Variants in HPCAL4 observed in about 807,000 individuals in gnomAD.
HPCAL4 encodes the protein hippocalcin like 4.
Under a neutral mutation model 18.2 loss-of-function variants are expected in HPCAL4, and 16 were observed. The ratio of observed to expected loss-of-function variants is 0.88; its 90% CI spans 0.59 to 1.33. The LOEUF (loss-of-function observed/expected upper bound fraction) is 1.33, where lower values mean the gene tolerates loss of function less well. HPCAL4 is among the 40% of genes most tolerant of loss of function. The pLI is 0.00. For synonymous variants in HPCAL4, 80 were observed against 97.5 expected (o/e 0.82, Z 1.06); for missense variants, 214 against 256.6 (o/e 0.83, Z 1.14).
intron 3 of HPCAL4, 39 bp downstream of exon 3, chr1:39,683,898 G>A (rs1455083087): frequency 2.5e-6 from 4 of 1,573,156 alleles, no homozygotes; most frequent in Non-Finnish European, 3.5e-6. Context: ...ATGGCGAAGC[G>A]CTGGCCTCGG....
In HPCAL4 at chr1:39,682,486, G is replaced by A; in HGVS notation, c.*50C>T. ...GGCCAGCCAGAGAGGTCATCAGGTT[G>A]GGAGGTGGCCATGCCCCTTCTGGCC... On this transcript the variant is annotated 3_prime_UTR_variant, in exon 4 of 4. Transcript: ENST00000372844. 6.3e-7 allele frequency: 1 copy of A among 1,579,024 alleles called. No homozygotes were observed. The highest frequency in any genetic ancestry group is 8.7e-7 in the Non-Finnish European group (1 of 1,149,874).
At chr1:39,683,906 C>T (rs1038077910) in intron 3 of HPCAL4, 31 bp downstream of exon 3, 7 of 1,593,420 alleles carry the variant, frequency 4.4e-6, no homozygotes, top group Non-Finnish European at 6.0e-6. Flanking sequence ...GCGCTGGCCT[C>T]GGGAACAGCA....
At position 39,682,457 on chromosome 1, in the gene HPCAL4, G is replaced by T; in HGVS notation, c.*79C>A. 7.1e-7 allele frequency: 1 copy of T among 1,417,282 alleles called. No homozygotes were observed. The highest frequency in any genetic ancestry group is 1.2e-5 in the South Asian group (1 of 83,976). 87.8% of individuals were successfully genotyped at this position (1,417,282 alleles called of 1,614,324 possible). On this transcript the variant is annotated 3_prime_UTR_variant, in exon 4 of 4. Transcript: ENST00000372844. ...GGGGGGCTGGAGTGTCCCTCCTCCT[G>T]GGAGGCCAGCCAGAGAGGTCATCAG...
In HPCAL4 at chr1:39,689,857, A is replaced by AT. The variant is rs2307905; in HGVS notation, c.-9+1448dup. Among the ~76,000 whole-genome samples the AT allele has an allele frequency of 2.6e-5, 4 of 151,808 alleles. No individual in the cohort carries two copies. The South Asian group carries it at 6.2e-4, about 24-fold the overall frequency. ...GTGACAATAGCTCCCTGGTCAGGAG[A>AT]TTTTTTCTCTCTTTCCTCTCCTCCC... On this transcript the variant is annotated intron_variant, in intron 1 of 3. Coordinates refer to ENST00000372844, the MANE Select transcript of HPCAL4 (RefSeq NM_016257.4).
chr1:39,687,038 C>G (rs1379328935), intron 1 of HPCAL4, among the ~76,000 whole-genome samples: 4 of 152,234 alleles, frequency 2.6e-5, no homozygotes, highest in Non-Finnish European at 4.4e-5. Context: ...CCTTCCCACT[C>G]CCCTTTGCTG....
chr1:39,685,098 C>G (rs61779760), intron 1 of HPCAL4, among the ~76,000 whole-genome samples: 9,627 of 152,360 alleles, frequency 0.063, 412 homozygotes, highest in East Asian at 0.11. Context: ...TCCCTCTTTC[C>G]TCTATACAAA....
chr1:39,683,853 C>A, intron 3 of HPCAL4, 84 bp downstream of exon 3: 3 of 1,281,256 alleles, frequency 2.3e-6, no homozygotes, highest in South Asian at 1.2e-5. Flanking sequence ...AGGGAGGCCC[C>A]GAAGCCCGAG....
At chr1:39,689,525 C>T (rs1646702024) in intron 1 of HPCAL4, among the ~76,000 whole-genome samples, 1 of 152,328 alleles carries the variant, frequency 6.6e-6, no homozygotes, top group Admixed American at 6.5e-5. Context: ...AACTATAGCC[C>T]ATCAGCAGCA....
intron 3 of HPCAL4, among the ~76,000 whole-genome samples, chr1:39,682,941 T>C (rs555873726): frequency 6.6e-6 from 1 of 152,176 alleles, no homozygotes; most frequent in Non-Finnish European, 1.5e-5. Context: ...TGGAGTGCAA[T>C]GGCGCGATCT....
chr1:39,683,285 G>A (rs1444718202), intron 3 of HPCAL4, among the ~76,000 whole-genome samples: 2 of 152,126 alleles, frequency 1.3e-5, no homozygotes, highest in Admixed American at 6.5e-5. Context: ...CTGGCTCCCC[G>A]TATGACCACC....
intron 3 of HPCAL4, 35 bp downstream of exon 3, chr1:39,683,902 G>A: frequency 6.3e-7 from 1 of 1,579,820 alleles, no homozygotes; most frequent in Non-Finnish European, 8.7e-7. Flanking sequence ...CGAAGCGCTG[G>A]CCTCGGGAAC....
chr1:39,682,436 G>A lies in HPCAL4; in HGVS notation c.*100C>T, dbSNP rs1238336071. 18 of 1,108,852 alleles carry A rather than the reference G, an allele frequency of 1.6e-5. No individual in the cohort carries two copies. The highest frequency in any genetic ancestry group is 1.9e-5 in the Non-Finnish European group (14 of 748,560). The allele number at this position is 1,108,852 out of a possible 1,614,324, so 68.7% of individuals were successfully genotyped here. A position where few individuals can be genotyped will look rare whatever the true frequency, so the allele number is the denominator to read the frequency against. On this transcript the variant is annotated 3_prime_UTR_variant, in exon 4 of 4. Transcript: ENST00000372844. ...GAGGACTGGGTGGGCCAGAGAGGGGGGCTGGAGTGTCCCTCCTCCTGGGAG... is the reference window on the plus strand; with the variant it reads ...GAGGACTGGGTGGGCCAGAGAGGGGAGCTGGAGTGTCCCTCCTCCTGGGAG...
At chr1:39,689,113 C>T (rs1646699101) in intron 1 of HPCAL4, among the ~76,000 whole-genome samples, 1 of 152,222 alleles carries the variant, frequency 6.6e-6, no homozygotes, top group South Asian at 2.1e-4. Context: ...CCCCAGTCCA[C>T]TTTTGAGCAG....
rs1440423114 is a variant in HPCAL4 at position 39,684,280 on chromosome 1, C to G, written c.163-128G>C. The G allele has an allele frequency of 3.8e-6, 4 of 1,062,458 alleles. No homozygotes were observed. The South Asian group carries it at 4.8e-5, about 13-fold the overall frequency. 65.8% of individuals were successfully genotyped at this position (1,062,458 alleles called of 1,614,324 possible). ...CCCGGGTGCCTTGCCCCCGCCACCC[C>G]GGGTGCCTCACCTCCCCCGCACCCC... is the stretch of plus-strand genomic sequence containing the variant. On this transcript the variant is annotated intron_variant, in intron 2 of 3. Coordinates refer to ENST00000372844, the MANE Select transcript of HPCAL4 (RefSeq NM_016257.4).
Position 39,681,310 on chromosome 1 carries a change from C to G in HPCAL4, c.*1226G>C, listed in dbSNP as rs1646625029. On this transcript the variant is annotated 3_prime_UTR_variant, in exon 4 of 4. Transcript: ENST00000372844. ...ACAGTGGCCAGGTGAGCCTTTTCTT[C>G]TAGCTCTTTCTGATTCTGTGGCAGT... The G allele has an allele frequency of 6.6e-6, 1 of 152,200 alleles. No homozygotes were observed. Among genetic ancestry groups the G allele is most frequent in the African/African-American group, 2.4e-5 (1 of 41,454 alleles). The allele number at this position is 152,200 out of a possible 1,614,324, so 9.4% of individuals were successfully genotyped here.
intron 1 of HPCAL4, among the ~76,000 whole-genome samples, chr1:39,686,401 T>A (rs1646675722): frequency 1.3e-5 from 2 of 151,918 alleles, no homozygotes; most frequent in African/African-American, 4.8e-5. Context: ...CAAGATGACC[T>A]TTGGTGGGGG....
intron 2 of HPCAL4, 78 bp downstream of exon 2, chr1:39,684,364 C>T (rs1646656160): frequency 8.3e-7 from 1 of 1,210,600 alleles, no homozygotes; most frequent in Non-Finnish European, 1.0e-6. Flanking sequence ...CCAGGGTGCC[C>T]TGCCTCCCTC....
chr1:39,684,158 G>C lies in HPCAL4; in HGVS notation c.163-6C>G, dbSNP rs1223626886. ...GCGTCGCCGTAGGGGAAGAACTGAGGGGGGTGCGGTGGGTTGGGGCGCAGC... is the reference window on the plus strand; with the variant it reads ...GCGTCGCCGTAGGGGAAGAACTGAGCGGGGTGCGGTGGGTTGGGGCGCAGC... On this transcript the variant is annotated splice_region_variant and splice_polypyrimidine_tract_variant and intron_variant, in intron 2 of 3. Transcript: ENST00000372844. The C allele has an allele frequency of 2.5e-6, 4 of 1,610,860 alleles. No homozygotes were observed. The highest frequency in any genetic ancestry group is 1.1e-5 in the South Asian group (1 of 90,912).
At chr1:39,683,070 G>A (rs193113880) in intron 3 of HPCAL4, among the ~76,000 whole-genome samples, 30 of 152,254 alleles carry the variant, frequency 2.0e-4, no homozygotes, top group Non-Finnish European at 3.2e-4. Context: ...TTTTAGTAGA[G>A]ACGGGGTTTC....
Sources: allele counts gnomAD v4.1 joint callset (sites outside exome capture counted in the v4.1 genomes callset), GRCh38; gene constraint gnomAD v4.1.1; transcripts MANE v1.5; gene names NCBI Gene and HGNC (gene_info 2026-07-23, HGNC 2026-07-21).